The following ANK3 variants were observed in gnomAD, a reference collection of about 807,000 sequenced individuals.
ANK3 encodes ankyrin-3.
In ANK3, 57 loss-of-function variants were observed where a neutral mutation model predicts 370.9. That is an observed-to-expected ratio of 0.15 (90% CI 0.12 to 0.19). The LOEUF (loss-of-function observed/expected upper bound fraction) is 0.19, where lower values mean the gene tolerates loss of function less well. Ranked by LOEUF, ANK3 falls within the 10% of genes least tolerant of loss-of-function variation. The pLI, the probability that ANK3 is intolerant of heterozygous loss-of-function variation, is 1.00. For synonymous variants in ANK3, 1,929 were observed against 1,946.3 expected, an observed-to-expected ratio of 0.99 and a Z score of 0.23; for missense variants, 4,439 against 5,302.1, an observed-to-expected ratio of 0.84 and a Z score of 5.06.
chr10:60,563,603 C>T (rs1251698178), intron 2 of ANK3, among the ~76,000 whole-genome samples: 1 of 152,134 alleles, frequency 6.6e-6, no homozygotes, highest in African/African-American at 2.4e-5. Flanking sequence ...TAAATAGCTT[C>T]ACGTAGGTCA....
intron 28 of ANK3, among the ~76,000 whole-genome samples, chr10:60,094,181 A>ATTTT (rs1169437967): frequency 8.6e-6 from 1 of 116,382 alleles, no homozygotes; most frequent in Non-Finnish European, 1.7e-5. Context: ...ACAGTATTCT[A>ATTTT]TTTTTTTTTT....
At chr10:60,105,843 C>T (rs1340327733) in intron 28 of ANK3, 62 bp downstream of exon 28, 3 of 1,494,572 alleles carry the variant, frequency 2.0e-6, no homozygotes, top group Non-Finnish European at 2.7e-6. Flanking sequence ...TTCATGTAAT[C>T]TAGTCATTCC....
chr10:60,072,509 T>C lies in ANK3; in HGVS notation c.8372A>G (p.Asp2791Gly). The C allele has an allele frequency of 6.2e-7, 1 of 1,613,926 alleles. No homozygotes were observed. Among genetic ancestry groups the C allele is most frequent in the Non-Finnish European group, 8.5e-7 (1 of 1,179,976 alleles). The change falls in exon 37 of 44, where the codon GAT becomes GGT. Residue 2791 changes from aspartate (D) to glycine (G), a missense_variant. Around this residue, in one of 13 missense-constraint regions of ANK3, gnomAD observed 1,601 missense variants for 1,731.7 expected, o/e 0.92. Transcript: ENST00000280772. ...QKDFMVLKTK[D>G]EHAQSNEIVV... is the part of the protein sequence containing the mutation. Reference sequence around the variant, plus strand: ...AATTTCGTTGCTTTGGGCATGCTCATCTTTGGTTTTTAATACCATAAAATC... The same window carrying C: ...AATTTCGTTGCTTTGGGCATGCTCACCTTTGGTTTTTAATACCATAAAATC...
chr10:60,270,996 CA>C (rs2097968953), intron 4 of ANK3, among the ~76,000 whole-genome samples: 1 of 151,988 alleles, frequency 6.6e-6, no homozygotes, highest in African/African-American at 2.4e-5. Flanking sequence ...CTGAAATGTG[CA>C]TCAACTCTCA....
At chr10:60,306,765 A>G (rs184905867) in intron 1 of ANK3, among the ~76,000 whole-genome samples, 23 of 152,316 alleles carry the variant, frequency 1.5e-4, no homozygotes, top group Admixed American at 1.2e-3. Context: ...ATGATGGCAT[A>G]TTGTGAGTTG....
At chr10:60,195,315 C>T (rs4948397) in intron 16 of ANK3, among the ~76,000 whole-genome samples, 2 of 148,234 alleles carry the variant, frequency 1.3e-5, no homozygotes, top group Non-Finnish European at 3.0e-5. Flanking sequence ...ACCCCGGAGG[C>T]GGAGCTTGCA....
At chr10:60,403,286 A>C (rs868554554) in intron 2 of ANK3, among the ~76,000 whole-genome samples, 3 of 152,310 alleles carry the variant, frequency 2.0e-5, no homozygotes, top group African/African-American at 7.2e-5. Context: ...GGGAAAAATC[A>C]ATATCACACC....
intron 16 of ANK3, among the ~76,000 whole-genome samples, chr10:60,188,269 G>T (rs1241815128): frequency 1.3e-5 from 2 of 152,156 alleles, no homozygotes; most frequent in Non-Finnish European, 2.9e-5. Context: ...CTGTTAGTCA[G>T]CTGTGCCTCA....
chr10:60,645,555 G>A (rs569654645), intron 1 of ANK3, among the ~76,000 whole-genome samples: 8 of 151,892 alleles, frequency 5.3e-5, no homozygotes, highest in East Asian at 3.9e-4. Context: ...GTGAAATCTC[G>A]TCTCTAATAA....
At chr10:60,207,889 C>T (rs2096789772) in intron 10 of ANK3, 147 bp downstream of exon 10, 1 of 720,898 alleles carries the variant, frequency 1.4e-6, no homozygotes. Context: ...TGTAGACTTT[C>T]CTGAAGGATA....
chr10:60,342,936 G>A (rs868298977), intron 1 of ANK3, among the ~76,000 whole-genome samples: 19 of 152,234 alleles, frequency 1.2e-4, no homozygotes, highest in African/African-American at 2.6e-4. Context: ...TTCTACAGTC[G>A]TGTGTTTGTT....
chr10:60,439,463 G>C (rs193045125), intron 2 of ANK3, among the ~76,000 whole-genome samples: 75 of 152,108 alleles, frequency 4.9e-4, no homozygotes, highest in Non-Finnish European at 8.4e-4. Flanking sequence ...TTCGAGACCT[G>C]CCAGGGCAAC....
chr10:60,368,950 G>A (rs939502491), intron 1 of ANK3, among the ~76,000 whole-genome samples: 1 of 152,192 alleles, frequency 6.6e-6, no homozygotes, highest in African/African-American at 2.4e-5. Flanking sequence ...ACTGACTATA[G>A]AAGGGAATAA....
chr10:60,298,460 G>A (rs2042996342), intron 1 of ANK3, among the ~76,000 whole-genome samples: 1 of 152,106 alleles, frequency 6.6e-6, no homozygotes, highest in South Asian at 2.1e-4. Flanking sequence ...GGCAGGAGAG[G>A]AATAATTCTA....
chr10:60,032,688 T>A (rs2073973400), intron 43 of ANK3, among the ~76,000 whole-genome samples: 1 of 152,172 alleles, frequency 6.6e-6, no homozygotes, highest in Non-Finnish European at 1.5e-5. Context: ...TTCTATCATT[T>A]AAAAAAATGC....
At chr10:60,653,360 T>C (rs1299332011) in intron 1 of ANK3, among the ~76,000 whole-genome samples, 3 of 151,088 alleles carry the variant, frequency 2.0e-5, no homozygotes, top group Non-Finnish European at 4.4e-5. Context: ...TGTTAATTTT[T>C]TTTTTCCCAT....
At chr10:60,146,099 A>G in intron 23 of ANK3, 70 of 1,511,502 alleles carry the variant, frequency 4.6e-5, no homozygotes, top group Non-Finnish European at 6.1e-5. Flanking sequence ...TATAAGCTCT[A>G]TGTTCCATCC....
chr10:60,082,505 C>T (rs1019678630), intron 34 of ANK3, 110 bp downstream of exon 34: 1 of 1,425,632 alleles, frequency 7.0e-7, no homozygotes, highest in Non-Finnish European at 9.4e-7. Context: ...ACTAATACAA[C>T]TTCAGTTTCA....
intron 21 of ANK3, among the ~76,000 whole-genome samples, chr10:60,167,659 T>C (rs1157736607): frequency 1.3e-5 from 2 of 151,840 alleles, no homozygotes; most frequent in African/African-American, 4.9e-5. Context: ...AAAGTGAGTT[T>C]TTTTTTTGTT....
Sources: gnomAD v4.1 joint callset for allele counts (sites outside exome capture counted in the v4.1 genomes callset) on GRCh38, gnomAD v4.1.1 for gene constraint, gnomAD v4.1.1 regional missense constraint, MANE v1.5 for transcripts, NCBI Gene and HGNC (gene_info 2026-07-23, HGNC 2026-07-21) for gene names.